Variants in SV2C observed in about 807,000 individuals in gnomAD.
The protein encoded by SV2C is synaptic vesicle glycoprotein 2C, also known as solute carrier family 22 member B3.
Under a neutral mutation model 79.7 loss-of-function variants are expected in SV2C, and 49 were observed. The observed-to-expected ratio is 0.61, with a 90% CI of 0.49 to 0.78. The LOEUF (loss-of-function observed/expected upper bound fraction) is 0.78. SV2C is among the 30% of genes least tolerant of loss of function. SV2C has a pLI of 0.00. For missense variants in SV2C, 833 were observed against 912.9 expected (o/e 0.91, Z 1.13); for synonymous variants, 334 against 333.2 (o/e 1.00, Z -0.03).
the SV2C span, among the ~76,000 whole-genome samples, chr5:76,033,042 C>T: frequency 1.3e-5 from 2 of 152,094 alleles, no homozygotes; most frequent in Non-Finnish European, 2.9e-5. Flanking sequence ...GCATAAATGT[C>T]TTCTTTTGAG....
chr5:76,007,307 G>A, the SV2C span, among the ~76,000 whole-genome samples: 2 of 151,820 alleles, frequency 1.3e-5, no homozygotes, highest in East Asian at 2.0e-4. Flanking sequence ...AAACATAAGC[G>A]TATAGTGAAA....
At chr5:76,156,008 T>A (rs1742713326) in intron 2 of SV2C, among the ~76,000 whole-genome samples, 1 of 145,334 alleles carries the variant, frequency 6.9e-6, no homozygotes, top group African/African-American at 2.6e-5. Context: ...AAGAGATTGG[T>A]AGATTCATTG....
the SV2C span, among the ~76,000 whole-genome samples, chr5:75,866,945 A>C: frequency 6.6e-6 from 1 of 152,130 alleles, no homozygotes; most frequent in Non-Finnish European, 1.5e-5. Flanking sequence ...GGTGGATTTA[A>C]GTATCTGGCA....
chr5:75,886,206 A>C, the SV2C span, among the ~76,000 whole-genome samples: 34 of 152,270 alleles, frequency 2.2e-4, no homozygotes, highest in African/African-American at 8.2e-4. Flanking sequence ...CATTCCTATG[A>C]GTACAGATAA....
Position 76,113,889 on chromosome 5 carries a change from CG to C in SV2C, c.-101-17760del, listed in dbSNP as rs1561220985. On this transcript the variant is annotated intron_variant, in intron 1 of 12. Transcript: ENST00000502798. ...AGATCTCTTACGCTACTCTTTCTAA[CG>C]CATAGATTTGTACTTTCCTCCCCAC... 2.0e-5 allele frequency among the ~76,000 whole-genome samples: 3 copies of C among 152,062 alleles called. No homozygotes were observed. In the East Asian group the frequency reaches 5.8e-4, roughly 29 times the overall value.
chr5:76,084,076 TC>T (rs569727948), intron 1 of SV2C: 1 of 152,386 alleles, frequency 6.6e-6, no homozygotes, highest in East Asian at 1.9e-4. Flanking sequence ...TTTCAAACTC[TC>T]CCACATACAT....
intron 1 of SV2C, among the ~76,000 whole-genome samples, chr5:76,130,139 AG>A (rs1748834775): frequency 2.3e-5 from 2 of 85,670 alleles, no homozygotes; most frequent in East Asian, 7.4e-4. Flanking sequence ...TCTTCCTCTC[AG>A]TTCTTAAAAA....
the SV2C span, among the ~76,000 whole-genome samples, chr5:75,861,416 A>C: frequency 3.9e-5 from 6 of 152,198 alleles, no homozygotes; most frequent in Non-Finnish European, 8.8e-5. Flanking sequence ...CAGTTTGGAG[A>C]TTTTTCAAAG....
chr5:76,273,154 TATATATATATATATATAC>T (rs1292191408), intron 4 of SV2C, among the ~76,000 whole-genome samples: 33 of 139,956 alleles, frequency 2.4e-4, no homozygotes, highest in African/African-American at 8.0e-4. Context: ...AAGATATATA[TATATATATATATATATAC>T]ACACATATAT....
the SV2C span, among the ~76,000 whole-genome samples, chr5:76,071,187 G>A: frequency 1.3e-5 from 2 of 152,292 alleles, no homozygotes; most frequent in East Asian, 3.9e-4. Flanking sequence ...ATGCCAAAAT[G>A]GGGCTTCCTT....
chr5:76,030,954 A>G, the SV2C span, among the ~76,000 whole-genome samples: 5 of 152,272 alleles, frequency 3.3e-5, no homozygotes, highest in African/African-American at 1.2e-4. Context: ...TATTTCAACA[A>G]TTTTTTTCTG....
At chr5:76,272,510 T>C (rs188188225) in intron 4 of SV2C, among the ~76,000 whole-genome samples, 215 of 152,368 alleles carry the variant, frequency 1.4e-3, no homozygotes, top group African/African-American at 4.5e-3. Flanking sequence ...ATTGACTAAG[T>C]TGCTAATATG....
intron 2 of SV2C, among the ~76,000 whole-genome samples, chr5:76,136,925 A>T (rs1452157344): frequency 6.6e-6 from 1 of 152,200 alleles, no homozygotes; most frequent in East Asian, 1.9e-4. Context: ...TAATGCCAAG[A>T]TAGGGGTTTG....
the SV2C span, among the ~76,000 whole-genome samples, chr5:76,064,389 A>C: frequency 6.6e-6 from 1 of 152,316 alleles, no homozygotes; most frequent in South Asian, 2.1e-4. Flanking sequence ...TGTGGCAAAC[A>C]AACAAGCAAA....
the SV2C span, among the ~76,000 whole-genome samples, chr5:75,884,126 G>T: frequency 1.8e-3 from 273 of 152,240 alleles, 2 homozygotes; most frequent in African/African-American, 6.0e-3. Flanking sequence ...CTTCAGGAAG[G>T]TAAACTGAAA....
chr5:76,030,266 G>GGTTTTTTTTTTTTTTTTTTTTTT, the SV2C span, among the ~76,000 whole-genome samples: 15 of 31,980 alleles, frequency 4.7e-4, 1 homozygote, highest in African/African-American at 1.9e-3. Context: ...TCAGAGGCTT[G>GGTTTTTTTTTTTTTTTTTTTTTT]TTTTTTTTTT....
At chr5:76,256,222 C>T (rs10462537) in intron 4 of SV2C, among the ~76,000 whole-genome samples, 46,426 of 151,962 alleles carry the variant, frequency 0.31, 7,279 homozygotes, top group Admixed American at 0.33. Context: ...GAGTACCTTT[C>T]CAGGCTGAAT....
the SV2C span, among the ~76,000 whole-genome samples, chr5:75,885,266 A>T: frequency 6.6e-6 from 1 of 152,136 alleles, no homozygotes; most frequent in South Asian, 2.1e-4. Context: ...CTCAACTATA[A>T]CATAATATTT....
the SV2C span, among the ~76,000 whole-genome samples, chr5:75,978,150 G>A: frequency 6.6e-6 from 1 of 152,144 alleles, no homozygotes; most frequent in Non-Finnish European, 1.5e-5. Flanking sequence ...GCATAGCAGA[G>A]TCAATTCTCA....
Sources: gnomAD v4.1 joint callset for allele counts (sites outside exome capture counted in the v4.1 genomes callset) on GRCh38, gnomAD v4.1.1 for gene constraint, MANE v1.5 for transcripts, NCBI Gene and HGNC (gene_info 2026-07-23, HGNC 2026-07-21) for gene names.